Variants in CRKL observed in about 807,000 individuals in gnomAD.
The protein encoded by CRKL is crk-like protein.
Under a neutral mutation model 23.0 loss-of-function variants are expected in CRKL, and 3 were observed. That is an observed-to-expected ratio of 0.13 (90% CI 0.06 to 0.34). The LOEUF (loss-of-function observed/expected upper bound fraction) is 0.34, where lower values mean the gene tolerates loss of function less well. Ranked by LOEUF, CRKL falls within the 10% of genes least tolerant of loss-of-function variation. The pLI is 1.00. For synonymous variants in CRKL, 188 were observed against 160.7 expected (o/e 1.17, Z -1.28); for missense variants, 256 against 394.5 (o/e 0.65, Z 2.97).
chr22:20,949,258 T>A (rs1275053008), intron 2 of CRKL, among the ~76,000 whole-genome samples: 1 of 152,140 alleles, frequency 6.6e-6, no homozygotes, highest in Non-Finnish European at 1.5e-5. Flanking sequence ...CCTGAGTAGT[T>A]GGGACTGCAG....
rs55853175 is a variant in CRKL at position 20,940,566 on chromosome 22, CTTTTTTTT to C, written c.777+6335_777+6342del. On this transcript the variant is annotated intron_variant, in intron 2 of 2. Transcript: ENST00000354336. ...CACCCTTTCCTCATCTTTGGTGCTCCTTTTTTTTTTTTTTTTTTTTGGCATTTTTTTTC... is the reference window on the plus strand; with the variant it reads ...CACCCTTTCCTCATCTTTGGTGCTCCTTTTTTTTTTTTGGCATTTTTTTTC... 2.5e-3 allele frequency among the ~76,000 whole-genome samples: 332 copies of C among 134,784 alleles called. 1 individual carries two copies. Among genetic ancestry groups the C allele is most frequent in the Middle Eastern group, 4.1e-3 (1 of 244 alleles). 88.4% of individuals were successfully genotyped at this position (134,784 alleles called of 152,430 possible).
intron 1 of CRKL, among the ~76,000 whole-genome samples, chr22:20,927,073 C>G (rs1480001036): frequency 8.3e-6 from 1 of 120,160 alleles, no homozygotes; most frequent in Admixed American, 1.1e-4. Context: ...GATCGCACCA[C>G]TGCACTCCAG....
In CRKL at chr22:20,934,037, T is replaced by C; in HGVS notation, c.570T>C (p.His190=). 1.2e-6 allele frequency: 2 copies of C among 1,614,186 alleles called. No individual in the cohort carries two copies. The highest frequency in any genetic ancestry group is 1.3e-5 in the African/African-American group (1 of 75,036). ...TGAGATCCTCACCACACGGAAAGCA[T>C]GGAAATAGGAATTCCAACAGTTATG... is the stretch of plus-strand genomic sequence containing the variant. ...KLVRSSPHGK[H]GNRNSNSYGI... is the part of the protein sequence containing the mutation. Residue 190 remains histidine (H), a synonymous_variant, in exon 2 of 3, where the codon CAT becomes CAC. Transcript: ENST00000354336.
At position 20,930,680 on chromosome 22, in the gene CRKL, CTTTTTTTTTTTTT is replaced by C. The variant is rs151090592; in HGVS notation, c.312-3082_312-3070del. ...CAGGCGTGAGCCACCACACGCCTGG[CTTTTTTTTTTTTT>C]TTTTTTTTTTTTTTTTGAGATAGAG... is the stretch of plus-strand genomic sequence containing the variant. On this transcript the variant is annotated intron_variant, in intron 1 of 2. Coordinates refer to ENST00000354336, the MANE Select transcript of CRKL (RefSeq NM_005207.4). Among the ~76,000 whole-genome samples, 9 of 48,018 alleles carry C rather than the reference CTTTTTTTTTTTTT, an allele frequency of 1.9e-4. No homozygotes were observed. In the East Asian group the frequency reaches 2.8e-3, roughly 15 times the overall value. 31.5% of individuals were successfully genotyped at this position (48,018 alleles called of 152,430 possible).
intron 1 of CRKL, among the ~76,000 whole-genome samples, chr22:20,931,231 C>G (rs1476196225): frequency 6.6e-6 from 1 of 151,978 alleles, no homozygotes; most frequent in Non-Finnish European, 1.5e-5. Flanking sequence ...CATAGTGAGA[C>G]CCCCATCTCT....
intron 1 of CRKL, among the ~76,000 whole-genome samples, chr22:20,921,875 A>G (rs1041195867): frequency 6.7e-6 from 1 of 148,310 alleles, no homozygotes; most frequent in South Asian, 2.1e-4. Flanking sequence ...TGCCGGGCAA[A>G]TTTTTTGTAT....
At chr22:20,937,206 C>T (rs1921697239) in intron 2 of CRKL, among the ~76,000 whole-genome samples, 1 of 152,158 alleles carries the variant, frequency 6.6e-6, no homozygotes, top group Admixed American at 6.6e-5. Context: ...AGGTGCATGC[C>T]TCTGGCCTGG....
At chr22:20,927,513 C>CAT (rs71186694) in intron 1 of CRKL, among the ~76,000 whole-genome samples, 1 of 139,878 alleles carries the variant, frequency 7.1e-6, no homozygotes, top group African/African-American at 2.6e-5. Context: ...AGTTTTCTAC[C>CAT]TTTTTTTTTT....
chr22:20,949,400 C>T (rs778496180), intron 2 of CRKL, among the ~76,000 whole-genome samples: 5 of 152,084 alleles, frequency 3.3e-5, no homozygotes, highest in African/African-American at 9.7e-5. Context: ...GAGCTGTAAT[C>T]GGGCCACTGC....
At chr22:20,930,567 A>G (rs1175950832) in intron 1 of CRKL, among the ~76,000 whole-genome samples, 1 of 150,764 alleles carries the variant, frequency 6.6e-6, no homozygotes, top group Non-Finnish European at 1.5e-5. Flanking sequence ...TTTAGTAGTG[A>G]CAGGGTTTTT....
intron 2 of CRKL, among the ~76,000 whole-genome samples, chr22:20,940,029 A>G (rs1159215064): frequency 1.3e-5 from 2 of 151,878 alleles, no homozygotes; most frequent in South Asian, 2.1e-4. Flanking sequence ...ACCTCAGGCA[A>G]TCCGCCCGCC....
At chr22:20,945,974 T>C (rs568041616) in intron 2 of CRKL, among the ~76,000 whole-genome samples, 1 of 152,318 alleles carries the variant, frequency 6.6e-6, no homozygotes, top group Admixed American at 6.5e-5. Flanking sequence ...CCTTTGAGAA[T>C]CCAGTGAAAG....
chr22:20,923,229 A>G (rs1441855122), intron 1 of CRKL, among the ~76,000 whole-genome samples: 1 of 152,076 alleles, frequency 6.6e-6, no homozygotes, highest in East Asian at 1.9e-4. Flanking sequence ...CCAACATTGA[A>G]TCAGACAGCC....
At chr22:20,939,334 G>A (rs972865176) in intron 2 of CRKL, among the ~76,000 whole-genome samples, 1 of 144,026 alleles carries the variant, frequency 6.9e-6, no homozygotes, top group Non-Finnish European at 1.5e-5. Flanking sequence ...TCCGCCTCCC[G>A]GGTTCACGCC....
chr22:20,949,022 A>C (rs767211572), intron 2 of CRKL, among the ~76,000 whole-genome samples: 3 of 152,126 alleles, frequency 2.0e-5, no homozygotes, highest in Non-Finnish European at 4.4e-5. Flanking sequence ...TCTCAGAATC[A>C]TGTGTTCATT....
intron 2 of CRKL, among the ~76,000 whole-genome samples, chr22:20,939,599 C>G (rs1027063615): frequency 6.6e-6 from 1 of 151,684 alleles, no homozygotes; most frequent in East Asian, 1.9e-4. Flanking sequence ...TGGTAGCTGA[C>G]AAGTCTTGTG....
chr22:20,946,313 T>C lies in CRKL; in HGVS notation c.778-3398T>C, dbSNP rs186355198. 8.3e-4 allele frequency among the ~76,000 whole-genome samples: 127 copies of C among 152,286 alleles called. 1 individual carries two copies. The highest frequency in any genetic ancestry group is 6.8e-3 in the Middle Eastern group (2 of 294). ...GGACAACACTCTGGACAAGTAGGGCTGTAGGAAACTATTGCCAGCAGCAAG... is the reference window on the plus strand; with the variant it reads ...GGACAACACTCTGGACAAGTAGGGCCGTAGGAAACTATTGCCAGCAGCAAG... On this transcript the variant is annotated intron_variant, in intron 2 of 2. Transcript: ENST00000354336.
intron 1 of CRKL, among the ~76,000 whole-genome samples, chr22:20,921,615 G>C (rs2147894762): frequency 6.6e-6 from 1 of 152,174 alleles, no homozygotes; most frequent in East Asian, 2.0e-4. Flanking sequence ...GGCCTGAGAG[G>C]AGGAGAAGAG....
rs1921135429 is a variant in CRKL, at chr22:20,924,818, C to T, written c.311+6573C>T. 2.6e-5 allele frequency among the ~76,000 whole-genome samples: 4 copies of T among 152,084 alleles called. No individual in the cohort carries two copies. The South Asian group carries it at 8.3e-4, about 32-fold the overall frequency. On this transcript the variant is annotated intron_variant, in intron 1 of 2. Coordinates refer to ENST00000354336, the MANE Select transcript of CRKL (RefSeq NM_005207.4). ...TCGTGCAGCTGGACTCCATCCTGGGCGACAGAGTGAGACTCTCTCCAAAAA... is the reference window on the plus strand; with the variant it reads ...TCGTGCAGCTGGACTCCATCCTGGGTGACAGAGTGAGACTCTCTCCAAAAA...
Sources: allele counts gnomAD v4.1 joint callset (sites outside exome capture counted in the v4.1 genomes callset), GRCh38; gene constraint gnomAD v4.1.1; transcripts MANE v1.5; gene names NCBI Gene and HGNC (gene_info 2026-07-23, HGNC 2026-07-21).